Variants in ATP10D observed in about 807,000 individuals in gnomAD.
The protein encoded by ATP10D is ATPase phospholipid transporting 10D (putative).
In ATP10D, 89 loss-of-function variants were observed where a neutral mutation model predicts 144.8. The observed-to-expected ratio is 0.61, with a 90% CI of 0.52 to 0.73. The LOEUF is 0.73. Among genes scored for constraint, ATP10D ranks in the 30% least tolerant of loss-of-function variants. ATP10D has a pLI of 0.00. For missense variants in ATP10D, 1,603 were observed against 1,714.8 expected, an observed-to-expected ratio of 0.93 and a Z score of 1.15; for synonymous variants, 571 against 615.1, an observed-to-expected ratio of 0.93 and a Z score of 1.06.
intron 19 of ATP10D, among the ~76,000 whole-genome samples, chr4:47,577,373 C>G (rs138291287): frequency 6.6e-6 from 1 of 152,126 alleles, no homozygotes; most frequent in African/African-American, 2.4e-5. Context: ...AGTAATTTTT[C>G]AAGAAATCCC....
At chr4:47,517,698 C>T (rs535213852) in intron 3 of ATP10D, among the ~76,000 whole-genome samples, 32 of 152,296 alleles carry the variant, frequency 2.1e-4, no homozygotes, top group South Asian at 1.4e-3. Flanking sequence ...ATGTTTGTCA[C>T]ATCGAGTCAT....
Position 47,518,071 on chromosome 4 carries a change from C to T in ATP10D, c.485+2401C>T, listed in dbSNP as rs185791885. The stretch of plus-strand genomic sequence containing the variant: ...AAAGAAATAAAGATGGGATATAAAA[C>T]CATGCCTTGTTGATTTAAATATGCT... On this transcript the variant is annotated intron_variant, in intron 3 of 22. Coordinates refer to ENST00000273859, the MANE Select transcript of ATP10D (RefSeq NM_020453.4). 1.2e-3 allele frequency among the ~76,000 whole-genome samples: 182 copies of T among 152,210 alleles called. 2 individuals are homozygous for T. Among genetic ancestry groups the T allele is most frequent in the African/African-American group, 4.3e-3 (180 of 41,552 alleles).
At chr4:47,559,412 C>T (rs1719172505) in intron 13 of ATP10D, among the ~76,000 whole-genome samples, 1 of 152,090 alleles carries the variant, frequency 6.6e-6, no homozygotes, top group African/African-American at 2.4e-5. Flanking sequence ...CACAGATGAG[C>T]CTTAATTTTT....
chr4:47,509,957 T>C (rs892302811), intron 1 of ATP10D, among the ~76,000 whole-genome samples: 62 of 150,826 alleles, frequency 4.1e-4, no homozygotes, highest in South Asian at 1.7e-3. Context: ...TGTGTGTGTG[T>C]GTGTGTGTGT....
chr4:47,546,121 A>G (rs961683833), intron 9 of ATP10D, among the ~76,000 whole-genome samples: 33 of 152,388 alleles, frequency 2.2e-4, no homozygotes, highest in African/African-American at 7.9e-4. Flanking sequence ...AAGGGTTCAC[A>G]TAAGATAAGG....
In ATP10D at chr4:47,562,500, T is replaced by A. The variant is rs9759645; in HGVS notation, c.2669-1081T>A. On this transcript the variant is annotated intron_variant, in intron 14 of 22. Coordinates refer to ENST00000273859, the MANE Select transcript of ATP10D (RefSeq NM_020453.4). The stretch of plus-strand genomic sequence containing the variant: ...AAATTAAAACCACAATGAGATACCA[T>A]CTTACACCAGTCAGAATGTCTGTTA... 7.9e-3 allele frequency among the ~76,000 whole-genome samples: 1,196 copies of A among 152,246 alleles called. 18 individuals carry two copies. Among genetic ancestry groups the A allele is most frequent in the African/African-American group, 0.027 (1,112 of 41,538 alleles).
At chr4:47,512,930 CAT>C (rs1198282619) in intron 2 of ATP10D, 100 bp downstream of exon 2, 5 of 1,122,412 alleles carry the variant, frequency 4.5e-6, no homozygotes, top group Non-Finnish European at 6.2e-6. Flanking sequence ...AAACCTAAGA[CAT>C]GTGACATCAT....
chr4:47,570,327 A>C (rs1215124400), intron 16 of ATP10D, among the ~76,000 whole-genome samples: 1 of 152,182 alleles, frequency 6.6e-6, no homozygotes, highest in Non-Finnish European at 1.5e-5. Flanking sequence ...TAAGAACAGA[A>C]AGAACAGAGC....
chr4:47,487,841 A>T (rs1200329372), intron 1 of ATP10D, among the ~76,000 whole-genome samples: 1 of 152,124 alleles, frequency 6.6e-6, no homozygotes, highest in Non-Finnish European at 1.5e-5. Flanking sequence ...GGTATTATGT[A>T]TTAAAACCTG....
At chr4:47,512,196 A>G (rs114975333) in intron 1 of ATP10D, among the ~76,000 whole-genome samples, 2,597 of 152,350 alleles carry the variant, frequency 0.017, 77 homozygotes, top group African/African-American at 0.059. Context: ...TGCAAAGATG[A>G]TAAAACTGAT....
At chr4:47,534,059 T>C (rs1018992964) in intron 5 of ATP10D, among the ~76,000 whole-genome samples, 2 of 152,142 alleles carry the variant, frequency 1.3e-5, no homozygotes, top group African/African-American at 4.8e-5. Flanking sequence ...CAAAACAAGG[T>C]CTACACTTTG....
chr4:47,570,377 G>A (rs1719887226), intron 16 of ATP10D, among the ~76,000 whole-genome samples: 1 of 152,150 alleles, frequency 6.6e-6, no homozygotes, highest in South Asian at 2.1e-4. Flanking sequence ...ATTGGGAATT[G>A]GGTCTTACTC....
At position 47,587,018 on chromosome 4, in the gene ATP10D, G is replaced by A; in HGVS notation, c.3754-1G>A. ...TTTCCTCTGCTCTTCTTGTCTTACA[G>A]ACTTGGATTCACTTGCTGGTCATCA... On this transcript the variant is annotated splice_acceptor_variant, in intron 21 of 22. Coordinates refer to ENST00000273859, the MANE Select transcript of ATP10D (RefSeq NM_020453.4). LOFTEE classifies it high-confidence loss of function. 1 of 1,613,470 alleles carries A rather than the reference G, an allele frequency of 6.2e-7. No individual in the cohort carries two copies. The highest frequency in any genetic ancestry group is 8.5e-7 in the Non-Finnish European group (1 of 1,179,586).
chr4:47,553,793 T>A (rs1718841427), intron 10 of ATP10D, among the ~76,000 whole-genome samples: 1 of 152,240 alleles, frequency 6.6e-6, no homozygotes, highest in Admixed American at 6.5e-5. Context: ...AACCATAATC[T>A]TCTGAGTCCA....
At chr4:47,562,515 A>T (rs536259501) in intron 14 of ATP10D, among the ~76,000 whole-genome samples, 3 of 152,322 alleles carry the variant, frequency 2.0e-5, no homozygotes, top group Admixed American at 6.5e-5. Flanking sequence ...CACCAGTCAG[A>T]ATGTCTGTTA....
In ATP10D at chr4:47,504,111, T is replaced by C. The variant is rs904917699; in HGVS notation, c.-37-8393T>C. ...GGTGATTTTATTCAGCAAATCTGAT[T>C]CATTCCACCCAATGGAGAATATAAA... On this transcript the variant is annotated intron_variant, in intron 1 of 22. Coordinates refer to ENST00000273859, the MANE Select transcript of ATP10D (RefSeq NM_020453.4). Among the ~76,000 whole-genome samples, 3 of 152,144 alleles carry C rather than the reference T, an allele frequency of 2.0e-5. 1 individual carries two copies. The highest frequency in any genetic ancestry group is 7.2e-5 in the African/African-American group (3 of 41,426).
In ATP10D at chr4:47,587,281, A is replaced by G; in HGVS notation, c.3941+75A>G. The stretch of plus-strand genomic sequence containing the variant: ...GAATCCTTCAAGCAACTACACTACT[A>G]CGAATGGTTGGCAGCCCACCCTGTT... On this transcript the variant is annotated intron_variant, in intron 22 of 22. Coordinates refer to ENST00000273859, the MANE Select transcript of ATP10D (RefSeq NM_020453.4). 2.2e-6 allele frequency: 3 copies of G among 1,381,676 alleles called. No homozygotes were observed. In the South Asian group the frequency reaches 4.1e-5, roughly 19 times the overall value. 85.6% of individuals were successfully genotyped at this position (1,381,676 alleles called of 1,614,324 possible).
chr4:47,545,731 CAG>C (rs1718384581), intron 9 of ATP10D, among the ~76,000 whole-genome samples: 1 of 152,172 alleles, frequency 6.6e-6, no homozygotes, highest in African/African-American at 2.4e-5. Context: ...GCAAAACAGA[CAG>C]AATTCTCTGA....
intron 21 of ATP10D, among the ~76,000 whole-genome samples, chr4:47,584,104 A>C (rs1720666093): frequency 6.6e-6 from 1 of 152,120 alleles, no homozygotes; most frequent in Non-Finnish European, 1.5e-5. Flanking sequence ...TGTTTAAAGG[A>C]TGCATCATTA....
Sources: gnomAD v4.1 joint callset for allele counts (sites outside exome capture counted in the v4.1 genomes callset) on GRCh38, gnomAD v4.1.1 for gene constraint, MANE v1.5 for transcripts, NCBI Gene and HGNC (gene_info 2026-07-23, HGNC 2026-07-21) for gene names.